KLC1: variants seen among roughly 807,000 people sequenced by gnomAD.
KLC1 encodes the protein kinesin light chain 1.
KLC1 carries 30 observed loss-of-function variants against 84.2 expected under a neutral mutation model. The observed-to-expected ratio is 0.36, with a 90% CI of 0.27 to 0.48. The LOEUF (loss-of-function observed/expected upper bound fraction) is 0.48. Ranked by LOEUF, KLC1 falls within the 20% of genes least tolerant of loss-of-function variation. KLC1 has a pLI of 0.99. For missense variants in KLC1, 499 were observed against 805.4 expected, an observed-to-expected ratio of 0.62 and a Z score of 4.60; for synonymous variants, 289 against 293.3, an observed-to-expected ratio of 0.99 and a Z score of 0.15.
intron 1 of KLC1, among the ~76,000 whole-genome samples, chr14:103,649,109 C>T (rs966596512): frequency 4.0e-5 from 6 of 151,876 alleles, no homozygotes; most frequent in Non-Finnish European, 8.8e-5. Flanking sequence ...TGCAGCCCAC[C>T]CTGGGTGATA....
Position 103,693,890 on chromosome 14 carries a change from T to C in KLC1, c.1848+1465T>C, listed in dbSNP as rs2082266047. ...GAGGCCGAGGTGGCGCTGAGGTGGC[T>C]TCAGCACGCTGGGGATTGGCTCCTG... On this transcript the variant is annotated intron_variant, in intron 15 of 16. Transcript: ENST00000334553. This position sits in a 1 kb window ranked among gnomAD's most constrained non-coding sequence, Gnocchi z 5.1. 3.8e-6 allele frequency: 5 copies of C among 1,322,678 alleles called. No individual in the cohort carries two copies. The highest frequency in any genetic ancestry group is 4.8e-6 in the Non-Finnish European group (5 of 1,037,010). 81.9% of individuals were successfully genotyped at this position (1,322,678 alleles called of 1,614,324 possible). A position where few individuals can be genotyped will look rare whatever the true frequency, so the allele number is the denominator to read the frequency against.
intron 1 of KLC1, among the ~76,000 whole-genome samples, chr14:103,639,401 G>C (rs1018182433): frequency 2.6e-5 from 4 of 152,084 alleles, no homozygotes; most frequent in Non-Finnish European, 4.4e-5. Context: ...AAAGTGTTGG[G>C]ATTACAGGTG....
chr14:103,669,437 A>AAAAAAAAAAAAAAAG (rs1555422919), intron 5 of KLC1, 74 bp from the exon 6 acceptor site: 1 of 851,270 alleles, frequency 1.2e-6, no homozygotes, highest in Non-Finnish European at 1.9e-6. Context: ...CTGTCTAAAA[A>AAAAAAAAAAAAAAAG]AAAAGAAAAG....
At chr14:103,633,741 G>A (rs1375591525) in intron 1 of KLC1, among the ~76,000 whole-genome samples, 1 of 152,056 alleles carries the variant, frequency 6.6e-6, no homozygotes, top group East Asian at 1.9e-4. Flanking sequence ...TGCATCTGGA[G>A]TTCTGAACCA....
intron 11 of KLC1, among the ~76,000 whole-genome samples, chr14:103,676,904 C>T (rs1422448057): frequency 2.0e-5 from 3 of 152,188 alleles, no homozygotes; most frequent in Non-Finnish European, 2.9e-5. Context: ...TCCTCTCGGC[C>T]ATCTGCTTAT....
chr14:103,661,978 G>A (rs2079334994), intron 3 of KLC1, 138 bp from the exon 4 acceptor site: 2 of 640,912 alleles, frequency 3.1e-6, no homozygotes, highest in Admixed American at 5.1e-5. Flanking sequence ...CAGATTGTCG[G>A]CGATCCTACA....
intron 15 of KLC1, chr14:103,699,339 G>T: frequency 6.3e-7 from 1 of 1,578,876 alleles, no homozygotes; most frequent in South Asian, 1.1e-5. Flanking sequence ...CGAGCTCAGG[G>T]GTGCAACCCT....
intron 14 of KLC1, among the ~76,000 whole-genome samples, chr14:103,688,622 G>A (rs1279879811): frequency 1.3e-5 from 2 of 152,174 alleles, no homozygotes; most frequent in African/African-American, 4.8e-5. Flanking sequence ...TGTCCGCTTG[G>A]TATCCCTGTG....
intron 1 of KLC1, 34 bp from the exon 2 acceptor site, chr14:103,654,530 A>G (rs1356829236): frequency 6.5e-7 from 1 of 1,546,800 alleles, no homozygotes; most frequent in Admixed American, 2.0e-5. Flanking sequence ...ACCTGTAATG[A>G]GGGATCTAAT....
At chr14:103,669,921 G>A (rs77206396) in intron 6 of KLC1, among the ~76,000 whole-genome samples, 2,465 of 152,204 alleles carry the variant, frequency 0.016, 64 homozygotes, top group African/African-American at 0.056. Context: ...ATCTGTTTTG[G>A]TTGGCTTTGT....
intron 14 of KLC1, among the ~76,000 whole-genome samples, chr14:103,691,533 A>G (rs562908946): frequency 5.6e-5 from 7 of 124,080 alleles, no homozygotes; most frequent in African/African-American, 1.6e-4. Context: ...CAGTGGCGTG[A>G]TCTCAGCTCA....
chr14:103,676,066 TCACA>T, intron 11 of KLC1, among the ~76,000 whole-genome samples: 1 of 152,288 alleles, frequency 6.6e-6, no homozygotes, highest in East Asian at 1.9e-4. Flanking sequence ...AGCCAGCCCC[TCACA>T]CACAGCGCTG....
At chr14:103,633,420 C>G (rs1002257664) in intron 1 of KLC1, among the ~76,000 whole-genome samples, 6 of 152,088 alleles carry the variant, frequency 3.9e-5, no homozygotes, top group African/African-American at 4.8e-5. Context: ...AGTGGTGGGG[C>G]AGGTGCTGTG....
chr14:103,699,378 G>A (rs1323349630), intron 15 of KLC1: 1 of 1,608,468 alleles, frequency 6.2e-7, no homozygotes. Context: ...TTGATGCACA[G>A]CACAGGGCTC....
In KLC1 at chr14:103,669,529, AG is replaced by A; in HGVS notation, c.817del (p.Asp273MetfsTer6). 1 of 1,609,416 alleles carries A rather than the reference AG, an allele frequency of 6.2e-7. No individual in the cohort carries two copies. The highest frequency in any genetic ancestry group is 1.1e-5 in the South Asian group (1 of 90,928). ...LVYRDQNKYK[D>X]AANLLNDALA... ...CATTTAGGGATCAGAATAAATACAA[AG>A]ATGCAGCTAACCTACTGAATGATGC... On this transcript the variant is annotated frameshift_variant, in exon 6 of 17. Transcript: ENST00000334553. LOFTEE classifies it high-confidence loss of function.
intron 1 of KLC1, among the ~76,000 whole-genome samples, chr14:103,646,894 C>T (rs2077985016): frequency 6.6e-6 from 1 of 152,092 alleles, no homozygotes; most frequent in Non-Finnish European, 1.5e-5. Flanking sequence ...TTACACACAT[C>T]AGCCACAGTG....
At chr14:103,630,046 G>C (rs2076556123) in intron 1 of KLC1, among the ~76,000 whole-genome samples, 2 of 152,232 alleles carry the variant, frequency 1.3e-5, no homozygotes, top group African/African-American at 4.8e-5. Context: ...CGCGGGCGGC[G>C]GGGGGCCGGG....
rs763841248 is a variant in KLC1, at chr14:103,673,406, T to C, written c.1236T>C (p.His412=). Reference sequence around the variant, plus strand: ...ACAAAGAGATTCTCACTCGTGCACATGAAAGGGAGTTTGGTTCTGTAGATG... The same window carrying C: ...ACAAAGAGATTCTCACTCGTGCACACGAAAGGGAGTTTGGTTCTGTAGATG... The part of the protein sequence containing the change: ...TLYKEILTRA[H]EREFGSVDDE... The change falls in exon 9 of 17, where the codon CAT becomes CAC. Residue 412 remains histidine (H), a synonymous_variant. Coordinates refer to ENST00000334553, the MANE Select transcript of KLC1 (RefSeq NM_001394837.1). The C allele has an allele frequency of 1.4e-5, 23 of 1,607,200 alleles. No individual in the cohort carries two copies. Among genetic ancestry groups the C allele is most frequent in the Non-Finnish European group, 1.7e-6 (2 of 1,177,844 alleles).
At chr14:103,650,671 C>T (rs568305054) in intron 1 of KLC1, among the ~76,000 whole-genome samples, 165 of 149,966 alleles carry the variant, frequency 1.1e-3, no homozygotes, top group African/African-American at 3.5e-3. Context: ...CTCTGCCTAC[C>T]GGGTTCAAGC....
Sources: gnomAD v4.1 joint callset for allele counts (sites outside exome capture counted in the v4.1 genomes callset) on GRCh38, gnomAD v4.1.1 for gene constraint, Gnocchi (gnomAD v3.1) non-coding constraint, MANE v1.5 for transcripts, NCBI Gene and HGNC (gene_info 2026-07-23, HGNC 2026-07-21) for gene names.